Variants in MAML3 observed in about 807,000 individuals in gnomAD.
The protein encoded by MAML3 is mastermind-like protein 3.
A neutral mutation model predicts 101.9 loss-of-function variants in MAML3; 27 were observed. The ratio of observed to expected loss-of-function variants is 0.27; its 90% CI spans 0.20 to 0.37. MAML3 has a LOEUF of 0.37. Ranked by LOEUF, MAML3 falls within the 10% of genes least tolerant of loss-of-function variation. MAML3 has a pLI of 1.00. For synonymous variants in MAML3, 501 were observed against 555.9 expected (o/e 0.90, Z 1.39); for missense variants, 1,316 against 1,444.9 (o/e 0.91, Z 1.45).
intron 1 of MAML3, among the ~76,000 whole-genome samples, chr4:140,027,433 T>C (rs1219715411): frequency 1.3e-5 from 2 of 152,256 alleles, no homozygotes; most frequent in African/African-American, 2.4e-5. Flanking sequence ...TAACTCATCT[T>C]TTAATCACCT....
At chr4:139,864,103 T>G (rs1731844835) in intron 2 of MAML3, among the ~76,000 whole-genome samples, 1 of 152,202 alleles carries the variant, frequency 6.6e-6, no homozygotes, top group South Asian at 2.1e-4. Context: ...GTCAATGACA[T>G]CACTATTGTA....
chr4:139,904,547 A>G (rs1732785071), intron 1 of MAML3, among the ~76,000 whole-genome samples: 1 of 152,222 alleles, frequency 6.6e-6, no homozygotes, highest in Non-Finnish European at 1.5e-5. Context: ...AAAGCACCAC[A>G]TGCCACTCAG....
chr4:139,861,252 C>T (rs1020143012), intron 2 of MAML3, among the ~76,000 whole-genome samples: 3 of 151,948 alleles, frequency 2.0e-5, no homozygotes, highest in African/African-American at 7.3e-5. Context: ...CTTTACTTGC[C>T]CTGTCTTTAA....
intron 1 of MAML3, among the ~76,000 whole-genome samples, chr4:139,989,468 T>C (rs1734617419): frequency 1.3e-5 from 2 of 152,182 alleles, no homozygotes; most frequent in Middle Eastern, 6.8e-3. Context: ...ATCATGCAAA[T>C]CTGGACAAAG....
At chr4:140,118,343 C>T (rs1330520090) in intron 1 of MAML3, among the ~76,000 whole-genome samples, 2 of 151,998 alleles carry the variant, frequency 1.3e-5, no homozygotes, top group African/African-American at 4.8e-5. Flanking sequence ...TATATATACA[C>T]CTATCTCATT....
intron 1 of MAML3, among the ~76,000 whole-genome samples, chr4:140,131,063 T>C (rs1233158618): frequency 6.6e-6 from 1 of 152,096 alleles, no homozygotes; most frequent in Non-Finnish European, 1.5e-5. Flanking sequence ...GGCATGCACA[T>C]ACACATTCAA....
chr4:139,951,718 C>T (rs1245999146), intron 1 of MAML3, among the ~76,000 whole-genome samples: 2 of 151,200 alleles, frequency 1.3e-5, no homozygotes, highest in African/African-American at 2.4e-5. Flanking sequence ...CTTTACATTG[C>T]TAATTTGTTT....
At chr4:140,070,282 C>T (rs1201861938) in intron 1 of MAML3, among the ~76,000 whole-genome samples, 1 of 152,148 alleles carries the variant, frequency 6.6e-6, no homozygotes, top group East Asian at 1.9e-4. Context: ...GAGTAGCATA[C>T]ATTCATGTTA....
intron 2 of MAML3, among the ~76,000 whole-genome samples, chr4:139,742,002 A>G (rs556388754): frequency 1.1e-3 from 163 of 152,326 alleles, no homozygotes; most frequent in Middle Eastern, 3.4e-3. Context: ...GGGCATAAAA[A>G]TAAGTTTTAG....
At chr4:139,723,445 G>A (rs1438200666) in intron 4 of MAML3, among the ~76,000 whole-genome samples, 1 of 152,130 alleles carries the variant, frequency 6.6e-6, no homozygotes, top group Non-Finnish European at 1.5e-5. Context: ...GGAGTAGCTG[G>A]GATTACAGGC....
At chr4:140,070,999 C>G (rs1384556451) in intron 1 of MAML3, among the ~76,000 whole-genome samples, 1 of 152,242 alleles carries the variant, frequency 6.6e-6, no homozygotes, top group Admixed American at 6.5e-5. Flanking sequence ...CTTCCCACAG[C>G]AGATAATAAT....
chr4:139,736,383 A>G (rs1377666498), intron 2 of MAML3, among the ~76,000 whole-genome samples: 1 of 152,222 alleles, frequency 6.6e-6, no homozygotes, highest in Non-Finnish European at 1.5e-5. Flanking sequence ...CAGCAGTTTT[A>G]TGTTATTGAG....
At chr4:140,057,083 T>G (rs1727361450) in intron 1 of MAML3, among the ~76,000 whole-genome samples, 1 of 152,156 alleles carries the variant, frequency 6.6e-6, no homozygotes, top group African/African-American at 2.4e-5. Context: ...GTGCCCAGCC[T>G]GGGCAATGAA....
At chr4:139,798,469 C>T (rs1367280545) in intron 2 of MAML3, among the ~76,000 whole-genome samples, 2 of 152,190 alleles carry the variant, frequency 1.3e-5, no homozygotes, top group South Asian at 2.1e-4. Flanking sequence ...CAATACTCTG[C>T]AGGGACAGGT....
At chr4:139,975,113 C>G (rs569913121) in intron 1 of MAML3, among the ~76,000 whole-genome samples, 41 of 152,216 alleles carry the variant, frequency 2.7e-4, no homozygotes, top group African/African-American at 9.6e-4. Context: ...CCAGCAGCAT[C>G]CCATCTCTCT....
At chr4:140,152,496 A>G (rs1199188693) in intron 1 of MAML3, among the ~76,000 whole-genome samples, 2 of 151,980 alleles carry the variant, frequency 1.3e-5, no homozygotes, top group Admixed American at 1.3e-4. Context: ...GGCGAAGAGG[A>G]GGAGCAAGGT....
At chr4:139,881,790 C>A (rs1383097533) in intron 2 of MAML3, among the ~76,000 whole-genome samples, 2 of 152,238 alleles carry the variant, frequency 1.3e-5, no homozygotes, top group African/African-American at 4.8e-5. Flanking sequence ...CAACCTCTGC[C>A]TCCTGGGTTC....
In MAML3 at chr4:140,136,704, G is replaced by A. The variant is rs75454513; in HGVS notation, c.468+16156C>T. Among the ~76,000 whole-genome samples, 484 of 152,306 alleles carry A rather than the reference G, an allele frequency of 3.2e-3. 3 individuals are homozygous for A. Among genetic ancestry groups the A allele is most frequent in the Admixed American group, 4.4e-3 (67 of 15,302 alleles). ...GAGGCTGGATGGATGACTAAGTCAA[G>A]TTGGTGCAAAATGAGTCACGTTTCT... On this transcript the variant is annotated intron_variant, in intron 1 of 4. Transcript: ENST00000509479.
At chr4:140,084,294 T>C (rs1727915961) in intron 1 of MAML3, among the ~76,000 whole-genome samples, 1 of 152,242 alleles carries the variant, frequency 6.6e-6, no homozygotes, top group Non-Finnish European at 1.5e-5. Flanking sequence ...CCAGGCCTAC[T>C]TGTCTTGTTA....
Sources: gnomAD v4.1 joint callset for allele counts (sites outside exome capture counted in the v4.1 genomes callset) on GRCh38, gnomAD v4.1.1 for gene constraint, MANE v1.5 for transcripts, NCBI Gene and HGNC (gene_info 2026-07-23, HGNC 2026-07-21) for gene names.